Variants in SGCD observed in about 807,000 individuals in gnomAD.
SGCD encodes the protein sarcoglycan delta.
Under a neutral mutation model 36.6 loss-of-function variants are expected in SGCD, and 18 were observed. The observed-to-expected ratio is 0.49, with a 90% CI of 0.34 to 0.73. SGCD has a LOEUF of 0.73. SGCD is among the 30% of genes least tolerant of loss of function. The pLI is 0.01. For synonymous variants in SGCD, 133 were observed against 130.6 expected (o/e 1.02, Z -0.12); for missense variants, 387 against 346.7 (o/e 1.12, Z -0.92).
rs763067309 is a variant in SGCD at position 155,975,609 on chromosome 5, CT to C, written c.-282+105222del. 1.3e-3 allele frequency among the ~76,000 whole-genome samples: 36 copies of C among 28,024 alleles called. 2 individuals carry two copies. Among genetic ancestry groups the C allele is most frequent in the Admixed American group, 1.8e-3 (3 of 1,688 alleles). The allele number at this position is 28,024 out of a possible 152,430, so 18.4% of individuals were successfully genotyped here. ...TGTGTTATTTATTTTTCTTTCTTTC[CT>C]TTTTTTTTTTTTTTTTTTTTTTTTT... On this transcript the variant is annotated intron_variant, in intron 1 of 9. Coordinates refer to the SGCD transcript ENST00000517913.
At chr5:155,729,113 CTG>C in the SGCD span, among the ~76,000 whole-genome samples, 2 of 152,258 alleles carry the variant, frequency 1.3e-5, no homozygotes, top group African/African-American at 4.8e-5. Flanking sequence ...GAATGCAACA[CTG>C]TTTCCTCCAA....
intron 1 of SGCD, among the ~76,000 whole-genome samples, chr5:156,099,693 G>A (rs1264585100): frequency 6.6e-6 from 1 of 152,100 alleles, no homozygotes; most frequent in East Asian, 1.9e-4. Context: ...GGGATTACAG[G>A]CATGAGCCAC....
chr5:155,980,360 C>T (rs1160192095), intron 1 of SGCD, among the ~76,000 whole-genome samples: 15 of 151,528 alleles, frequency 9.9e-5, no homozygotes, highest in African/African-American at 2.2e-4. Flanking sequence ...CCTAGGCGGG[C>T]GGATCATGAG....
chr5:155,759,563 G>A, the SGCD span, among the ~76,000 whole-genome samples: 55 of 152,206 alleles, frequency 3.6e-4, no homozygotes, highest in East Asian at 8.5e-3. Context: ...TGCACACTCC[G>A]CTGCTCAGGG....
intron 3 of SGCD, among the ~76,000 whole-genome samples, chr5:156,379,870 G>T (rs1410597027): frequency 6.6e-6 from 1 of 152,180 alleles, no homozygotes; most frequent in Non-Finnish European, 1.5e-5. Flanking sequence ...GATTCCTTCA[G>T]AATTGTTCAG....
chr5:156,266,919 C>G (rs13170433), intron 3 of SGCD, among the ~76,000 whole-genome samples: 1 of 151,766 alleles, frequency 6.6e-6, no homozygotes, highest in South Asian at 2.1e-4. Context: ...GGTCTCCGGA[C>G]GCTTTGAAAA....
intron 3 of SGCD, among the ~76,000 whole-genome samples, chr5:156,450,545 AAAAAG>A (rs60594583): frequency 6.7e-6 from 1 of 149,434 alleles, no homozygotes; most frequent in Non-Finnish European, 1.5e-5. Flanking sequence ...TTAAAAAAAA[AAAAAG>A]AAAAGAAAAA....
chr5:156,144,395 A>G (rs1762660874), intron 3 of SGCD, among the ~76,000 whole-genome samples: 1 of 152,134 alleles, frequency 6.6e-6, no homozygotes, highest in African/African-American at 2.4e-5. Context: ...CCTCTCCAGA[A>G]CCTGTTGTTT....
chr5:155,943,090 A>G (rs1219043215), intron 1 of SGCD, among the ~76,000 whole-genome samples: 1 of 152,232 alleles, frequency 6.6e-6, no homozygotes, highest in Non-Finnish European at 1.5e-5. Flanking sequence ...TTATTCCCTA[A>G]GTAGATTTTC....
At chr5:155,971,532 CT>C (rs1758006251) in intron 1 of SGCD, among the ~76,000 whole-genome samples, 1 of 152,024 alleles carries the variant, frequency 6.6e-6, no homozygotes, top group South Asian at 2.1e-4. Flanking sequence ...CCAATTTTTC[CT>C]CTGATTAGCC....
intron 1 of SGCD, among the ~76,000 whole-genome samples, chr5:156,016,765 G>A (rs1758989399): frequency 6.6e-6 from 1 of 152,100 alleles, no homozygotes; most frequent in Non-Finnish European, 1.5e-5. Flanking sequence ...TTCCTCATTT[G>A]TGTATGTACC....
chr5:155,891,893 ATCT>A (rs1756140661), intron 1 of SGCD, among the ~76,000 whole-genome samples: 2 of 152,138 alleles, frequency 1.3e-5, no homozygotes, highest in Admixed American at 6.6e-5. Context: ...TAGGACATAC[ATCT>A]TCTTCTCGAA....
intron 7 of SGCD, among the ~76,000 whole-genome samples, chr5:156,725,835 C>A (rs1021904518): frequency 1.3e-5 from 2 of 152,090 alleles, no homozygotes; most frequent in African/African-American, 4.8e-5. Flanking sequence ...AATGATCTTC[C>A]CATCTTTGAA....
At chr5:155,996,353 C>A (rs761643100) in intron 1 of SGCD, among the ~76,000 whole-genome samples, 78 of 152,164 alleles carry the variant, frequency 5.1e-4, no homozygotes, top group Non-Finnish European at 1.8e-4. Flanking sequence ...CCATGCCTTT[C>A]CCTCTGTATC....
At chr5:156,730,706 A>C (rs1756016014) in intron 7 of SGCD, among the ~76,000 whole-genome samples, 1 of 152,116 alleles carries the variant, frequency 6.6e-6, no homozygotes, top group African/African-American at 2.4e-5. Context: ...TGTCTTTATA[A>C]TAGAATAATT....
intron 1 of SGCD, among the ~76,000 whole-genome samples, chr5:156,040,371 C>A (rs1380839335): frequency 6.6e-6 from 1 of 152,176 alleles, no homozygotes; most frequent in East Asian, 1.9e-4. Context: ...TATTCTCTTT[C>A]TTAAAGAGCA....
intron 1 of SGCD, among the ~76,000 whole-genome samples, chr5:156,014,682 A>G (rs951252137): frequency 1.3e-5 from 2 of 152,184 alleles, no homozygotes; most frequent in East Asian, 1.9e-4. Flanking sequence ...ATATTGTCCC[A>G]GTAATGTTCT....
intron 7 of SGCD, among the ~76,000 whole-genome samples, chr5:156,697,746 C>T (rs956554795): frequency 2.1e-5 from 3 of 145,820 alleles, no homozygotes; most frequent in Non-Finnish European, 3.0e-5. Context: ...ATTGGATGGA[C>T]GGACGGATGG....
intron 7 of SGCD, among the ~76,000 whole-genome samples, chr5:156,715,631 T>C (rs1755186449): frequency 6.6e-6 from 1 of 152,206 alleles, no homozygotes; most frequent in East Asian, 1.9e-4. Context: ...TGGACTGTAA[T>C]TCAAGAGTGC....
Sources: allele counts gnomAD v4.1 joint callset (sites outside exome capture counted in the v4.1 genomes callset), GRCh38; gene constraint gnomAD v4.1.1; transcripts MANE v1.5; gene names NCBI Gene and HGNC (gene_info 2026-07-23, HGNC 2026-07-21).